The following PPP1R26 variants were observed in gnomAD, a reference collection of about 807,000 sequenced individuals.
PPP1R26 encodes protein phosphatase 1 regulatory subunit 26, also known as 1A6/DRIM (down-regulated in metastasis) interacting protein.
In PPP1R26, 22 loss-of-function variants were observed where a neutral mutation model predicts 67.6. That is an observed-to-expected ratio of 0.33 (90% CI 0.23 to 0.46). PPP1R26 has a LOEUF of 0.46. Among genes scored for constraint, PPP1R26 ranks in the 20% least tolerant of loss-of-function variants. The pLI, the probability that PPP1R26 is intolerant of heterozygous loss-of-function variation, is 1.00. For synonymous variants in PPP1R26, 729 were observed against 717.2 expected (o/e 1.02, Z -0.26); for missense variants, 1,602 against 1,651.4 (o/e 0.97, Z 0.52).
chr9:135,486,858 A>G lies in PPP1R26; in HGVS notation c.2348A>G (p.Glu783Gly), dbSNP rs1376629183. 1 of 1,611,530 alleles carries G rather than the reference A, an allele frequency of 6.2e-7. No homozygotes were observed. ...FGSTAERMRQ[E>G]GAASQDAALA... ...AGCACGGCAGAGAGGATGAGGCAGG[A>G]GGGTGCCGCGAGCCAGGACGCGGCC... Residue 783 changes from glutamate (E) to glycine (G), a missense_variant, in exon 4 of 4, where the codon GAG (glutamate) becomes GGG (glycine). By Grantham distance (98) the Glu-to-Gly change is moderately conservative. Coordinates refer to ENST00000356818, the MANE Select transcript of PPP1R26 (RefSeq NM_014811.5). This position sits in a 1 kb window ranked among gnomAD's most constrained non-coding sequence, Gnocchi z 6.2.
At chr9:135,481,485 C>T (rs1836918729) in intron 1 of PPP1R26, among the ~76,000 whole-genome samples, 1 of 151,920 alleles carries the variant, frequency 6.6e-6, no homozygotes, top group African/African-American at 2.4e-5. Context: ...AAGTGATCCA[C>T]CTGCCTCCAC....
At position 135,486,534 on chromosome 9, in the gene PPP1R26, A is replaced by G; in HGVS notation, c.2024A>G (p.Asp675Gly). ...AAGACAGACGAGGCAAGGCGCCTAG[A>G]CGAGAAAGAGAGCTCTGAAGACAAA... Reference protein sequence around the residue: ...QGKTDEARRLDEKESSEDKSS... With the variant: ...QGKTDEARRLGEKESSEDKSS... Residue 675 changes from aspartate to glycine, a missense_variant, in exon 4 of 4, where the codon GAC (aspartate) becomes GGC (glycine). Around this residue, in one of 5 missense-constraint regions of PPP1R26, gnomAD observed 680 missense variants for 726.1 expected, o/e 0.94. Coordinates refer to ENST00000356818, the MANE Select transcript of PPP1R26 (RefSeq NM_014811.5). This position sits in a 1 kb window ranked among gnomAD's most constrained non-coding sequence, Gnocchi z 6.2. 1 of 1,612,442 alleles carries G rather than the reference A, an allele frequency of 6.2e-7. No homozygotes were observed. Among genetic ancestry groups the G allele is most frequent in the South Asian group, 1.1e-5 (1 of 91,012 alleles).
chr9:135,485,422 C>A lies in PPP1R26; in HGVS notation c.912C>A (p.Ser304Arg). The A allele has an allele frequency of 6.2e-7, 1 of 1,612,838 alleles. No homozygotes were observed. Among genetic ancestry groups the A allele is most frequent in the Non-Finnish European group, 8.5e-7 (1 of 1,179,896 alleles). Residue 304 changes from serine to arginine, a missense_variant, in exon 4 of 4, where the codon AGC becomes AGA. Around this residue, in one of 5 missense-constraint regions of PPP1R26, gnomAD observed 680 missense variants for 726.1 expected, o/e 0.94. Transcript: ENST00000356818. The surrounding 1 kb of genome is among the most constrained non-coding windows in gnomAD (Gnocchi z 7.2). The stretch of plus-strand genomic sequence containing the variant: ...CGAAGATGAACGTCCAGCCCAGAAG[C>A]CTCAGGTCCAAGGTCACAACCACGC... ...RLAKMNVQPR[S>R]LRSKVTTTQE...
chr9:135,484,366 C>T (rs907198613), intron 3 of PPP1R26, 83 bp from the exon 4 acceptor site: 31 of 766,040 alleles, frequency 4.0e-5, no homozygotes, highest in Non-Finnish European at 6.2e-5. Flanking sequence ...GCCCGACATG[C>T]TGTTCCTCTG....
rs375238310 is a variant in PPP1R26 at position 135,484,646 on chromosome 9, C to T, written c.136C>T (p.Arg46Trp). 10 of 1,611,170 alleles carry T rather than the reference C, an allele frequency of 6.2e-6. No individual in the cohort carries two copies. The highest frequency in any genetic ancestry group is 4.5e-5 in the East Asian group (2 of 44,886). Residue 46 changes from arginine (R) to tryptophan (W), a missense_variant, in exon 4 of 4, where the codon CGG becomes TGG. By Grantham distance (101) the Arg-to-Trp change is moderately radical (BLOSUM62 -3). Transcript: ENST00000356818. ...EGVESASVSA[R>W]VQMLISTLQR... is the part of the protein sequence containing the mutation. ...CGTGGAGAGCGCGTCGGTGAGCGCC[C>T]GGGTGCAGATGCTTATCAGCACTCT...
At position 135,485,684 on chromosome 9, in the gene PPP1R26, G is replaced by T. The variant is rs1382815347; in HGVS notation, c.1174G>T (p.Val392Phe). The T allele has an allele frequency of 6.2e-7, 1 of 1,611,140 alleles. No individual in the cohort carries two copies. The highest frequency in any genetic ancestry group is 1.1e-5 in the South Asian group (1 of 91,006). The part of the protein sequence containing the change: ...KEADGDLPQR[V>F]QLREERAPDP... Reference sequence around the variant, plus strand: ...GGCCGACGGGGACCTGCCCCAGAGGGTCCAACTCCGAGAGGAGAGAGCGCC... The same window carrying T: ...GGCCGACGGGGACCTGCCCCAGAGGTTCCAACTCCGAGAGGAGAGAGCGCC... Residue 392 changes from valine (V) to phenylalanine (F), a missense_variant, in exon 4 of 4, where the codon GTC (valine) becomes TTC (phenylalanine). Physicochemically the swap from Val to Phe is conservative, Grantham distance 50. Transcript: ENST00000356818. This position sits in a 1 kb window ranked among gnomAD's most constrained non-coding sequence, Gnocchi z 7.2.
chr9:135,485,400 A>T lies in PPP1R26; in HGVS notation c.890A>T (p.Lys297Met). The T allele has an allele frequency of 6.2e-7, 1 of 1,612,948 alleles. No homozygotes were observed. Among genetic ancestry groups the T allele is most frequent in the Non-Finnish European group, 8.5e-7 (1 of 1,179,968 alleles). Residue 297 changes from lysine to methionine, a missense_variant, in exon 4 of 4, where the codon AAG (lysine) becomes ATG (methionine). Transcript: ENST00000356818. The surrounding 1 kb of genome is among the most constrained non-coding windows in gnomAD (Gnocchi z 7.2). ...TTCCGCAAACCTCCCCGGTTAGCGA[A>T]GATGAACGTCCAGCCCAGAAGCCTC... Reference protein sequence around the residue: ...FAFRKPPRLAKMNVQPRSLRS... With the variant: ...FAFRKPPRLAMMNVQPRSLRS...
Position 135,483,959 on chromosome 9 carries a change from G to A in PPP1R26, c.-186G>A, listed in dbSNP as rs190820839. 215 of 398,944 alleles carry A rather than the reference G, an allele frequency of 5.4e-4. 1 individual carries two copies. The highest frequency in any genetic ancestry group is 4.1e-3 in the African/African-American group (198 of 48,742). 24.7% of individuals were successfully genotyped at this position (398,944 alleles called of 1,614,324 possible). On this transcript the variant is annotated 5_prime_UTR_variant, in exon 3 of 4. Transcript: ENST00000356818. ...CAACTTTCCGTTCCAGGAGCTTGTC[G>A]GTTGGGTCAAGAATGAACCTACGCA...
chr9:135,483,817 T>A, intron 2 of PPP1R26, 133 bp from the exon 3 acceptor site: 1 of 390,204 alleles, frequency 2.6e-6, no homozygotes, highest in African/African-American at 2.1e-5. Flanking sequence ...AGAATAACAA[T>A]GCAGTCCCAT....
chr9:135,480,405 G>C (rs892691221), intron 1 of PPP1R26: 1 of 152,198 alleles, frequency 6.6e-6, no homozygotes, highest in Non-Finnish European at 1.5e-5. Flanking sequence ...CGGGAGGGTG[G>C]CCGCTCTCCC....
chr9:135,482,723 G>A lies in PPP1R26; in HGVS notation c.-288G>A. On this transcript the variant is annotated 5_prime_UTR_variant, in exon 2 of 4. It adds an upstream start codon to the 5' untranslated region. Transcript: ENST00000356818. Reference sequence around the variant, plus strand: ...AAAAGCAGAGAGAGAATGCCTCGGTGTGTAAGTGGAGTGATGAGGACCTGA... The same window carrying A: ...AAAAGCAGAGAGAGAATGCCTCGGTATGTAAGTGGAGTGATGAGGACCTGA... 2.5e-6 allele frequency: 1 copy of A among 398,606 alleles called. No individual in the cohort carries two copies. Among genetic ancestry groups the A allele is most frequent in the East Asian group, 3.6e-5 (1 of 28,078 alleles). The allele number at this position is 398,606 out of a possible 1,614,324, so 24.7% of individuals were successfully genotyped here. A position where few individuals can be genotyped will look rare whatever the true frequency, so the allele number is the denominator to read the frequency against.
In PPP1R26 at chr9:135,488,686, C is replaced by G. The variant is rs1242359391; in HGVS notation, c.*546C>G. 3 of 167,130 alleles carry G rather than the reference C, an allele frequency of 1.8e-5. No individual in the cohort carries two copies. Among genetic ancestry groups the G allele is most frequent in the Non-Finnish European group, 2.9e-5 (2 of 68,146 alleles). The allele number at this position is 167,130 out of a possible 1,614,324, so 10.4% of individuals were successfully genotyped here. ...TTAGAGGCCAGAGCACATCTGAAAA[C>G]TGCAATCACAGCCGTCCGCTGGAAA... On this transcript the variant is annotated 3_prime_UTR_variant, in exon 4 of 4. Transcript: ENST00000356818.
In PPP1R26 at chr9:135,484,044, C is replaced by T. The variant is rs1830613210; in HGVS notation, c.-101C>T. ...TTTTTAAGCTGCAAAGAAGCATTTG[C>T]AGACGTTGTCTCATGGGTACCGCTT... On this transcript the variant is annotated 5_prime_UTR_variant, in exon 3 of 4. Coordinates refer to ENST00000356818, the MANE Select transcript of PPP1R26 (RefSeq NM_014811.5). The T allele has an allele frequency of 9.9e-6, 4 of 403,410 alleles. No individual in the cohort carries two copies. The highest frequency in any genetic ancestry group is 1.2e-4 in the South Asian group (1 of 8,264). 25.0% of individuals were successfully genotyped at this position (403,410 alleles called of 1,614,324 possible). A position where few individuals can be genotyped will look rare whatever the true frequency, so the allele number is the denominator to read the frequency against.
Position 135,485,852 on chromosome 9 carries a change from A to C in PPP1R26, c.1342A>C (p.Lys448Gln), listed in dbSNP as rs1350894076. 6 of 1,613,300 alleles carry C rather than the reference A, an allele frequency of 3.7e-6. No homozygotes were observed. The highest frequency in any genetic ancestry group is 5.1e-6 in the Non-Finnish European group (6 of 1,179,996). Residue 448 changes from lysine to glutamine, a missense_variant, in exon 4 of 4, where the codon AAG (lysine) becomes CAG (glutamine). Coordinates refer to ENST00000356818, the MANE Select transcript of PPP1R26 (RefSeq NM_014811.5). This position sits in a 1 kb window ranked among gnomAD's most constrained non-coding sequence, Gnocchi z 7.2. ...PGGLDTDHAP[K>Q]LLKETKAPPP... ...GGGCCTGGACACTGACCATGCCCCC[A>C]AGCTCCTGAAGGAAACCAAAGCTCC...
chr9:135,484,814 G>C lies in PPP1R26; in HGVS notation c.304G>C (p.Val102Leu), dbSNP rs370197502. The change falls in exon 4 of 4, where the codon GTT (valine) becomes CTT (leucine). Residue 102 changes from valine to leucine, a missense_variant. Transcript: ENST00000356818. The stretch of plus-strand genomic sequence containing the variant: ...ACCCGCGTTGGCTGTCTGTGGTCTC[G>C]TTGCTGACTTTGACCCCATGGGGGA... Reference protein sequence around the residue: ...EPPALAVCGLVADFDPMGEEE... With the variant: ...EPPALAVCGLLADFDPMGEEE... The C allele has an allele frequency of 2.5e-5, 41 of 1,610,766 alleles. No individual in the cohort carries two copies. The highest frequency in any genetic ancestry group is 3.1e-5 in the Non-Finnish European group (36 of 1,179,788).
chr9:135,482,920 G>T lies in PPP1R26; in HGVS notation c.-196+105G>T, dbSNP rs959504274. 13 of 391,132 alleles carry T rather than the reference G, an allele frequency of 3.3e-5. No individual in the cohort carries two copies. In the South Asian group the frequency reaches 4.3e-4, roughly 13 times the overall value. 24.2% of individuals were successfully genotyped at this position (391,132 alleles called of 1,614,324 possible). A position where few individuals can be genotyped will look rare whatever the true frequency, so the allele number is the denominator to read the frequency against. On this transcript the variant is annotated intron_variant, in intron 2 of 3. Transcript: ENST00000356818. The stretch of plus-strand genomic sequence containing the variant: ...TGTCTCACCCCCTGGTTAATTGCTG[G>T]TTACCCCTTTTGGGCTCACCTGTGT...
rs1468873253 is a variant in PPP1R26 at position 135,485,087 on chromosome 9, G to A, written c.577G>A (p.Gly193Arg). ...TALCPPKLVP[G>R]SGGGPGSQVG... is the part of the protein sequence containing the mutation. ...CCTGTGTCCCCCAAAACTTGTACCTGGATCAGGTGGTGGCCCCGGCAGCCA... is the reference window on the plus strand; with the variant it reads ...CCTGTGTCCCCCAAAACTTGTACCTAGATCAGGTGGTGGCCCCGGCAGCCA... Residue 193 changes from glycine to arginine, a missense_variant, in exon 4 of 4, where the codon GGA (glycine) becomes AGA (arginine). This residue lies in a region of PPP1R26 where 680 missense variants were observed against 726.1 expected (regional missense o/e 0.94). Transcript: ENST00000356818. This position sits in a 1 kb window ranked among gnomAD's most constrained non-coding sequence, Gnocchi z 7.2. The A allele has an allele frequency of 8.1e-6, 13 of 1,611,666 alleles. No homozygotes were observed. The highest frequency in any genetic ancestry group is 1.1e-5 in the Non-Finnish European group (13 of 1,179,488).
At position 135,485,290 on chromosome 9, in the gene PPP1R26, C is replaced by G. The variant is rs1251453831; in HGVS notation, c.780C>G (p.Ala260=). ...EKKPDTNENS[A]KSLLKSHQEP... The stretch of plus-strand genomic sequence containing the variant: ...AACCAGACACAAATGAAAATTCCGC[C>G]AAGTCACTCTTGAAATCCCACCAAG... Residue 260 remains alanine (A), a synonymous_variant, in exon 4 of 4, where the codon GCC becomes GCG. Transcript: ENST00000356818. This position sits in a 1 kb window ranked among gnomAD's most constrained non-coding sequence, Gnocchi z 7.2. 2 of 1,612,984 alleles carry G rather than the reference C, an allele frequency of 1.2e-6. No individual in the cohort carries two copies. Among genetic ancestry groups the G allele is most frequent in the Non-Finnish European group, 1.7e-6 (2 of 1,179,998 alleles).
At position 135,488,812 on chromosome 9, in the gene PPP1R26, C is replaced by A. The variant is rs1227209679; in HGVS notation, c.*672C>A. On this transcript the variant is annotated 3_prime_UTR_variant, in exon 4 of 4. Transcript: ENST00000356818. ...AGCGGCAGCTGCTCGGCAGCCCAGCCCTGGGCCTGGGTGGGTTCATGTCCA... is the reference window on the plus strand; with the variant it reads ...AGCGGCAGCTGCTCGGCAGCCCAGCACTGGGCCTGGGTGGGTTCATGTCCA... 1 of 167,006 alleles carries A rather than the reference C, an allele frequency of 6.0e-6. No individual in the cohort carries two copies. Among genetic ancestry groups the A allele is most frequent in the Non-Finnish European group, 1.5e-5 (1 of 68,124 alleles). 10.3% of individuals were successfully genotyped at this position (167,006 alleles called of 1,614,324 possible). A position where few individuals can be genotyped will look rare whatever the true frequency, so the allele number is the denominator to read the frequency against.
Sources: allele counts gnomAD v4.1 joint callset (sites outside exome capture counted in the v4.1 genomes callset), GRCh38; gene constraint gnomAD v4.1.1; regional missense constraint gnomAD v4.1.1; non-coding constraint Gnocchi (gnomAD v3.1); transcripts MANE v1.5; gene names NCBI Gene and HGNC (gene_info 2026-07-23, HGNC 2026-07-21).